The following ESR1 variants were observed in gnomAD, a reference collection of about 807,000 sequenced individuals.
ESR1 encodes estrogen receptor 1.
ESR1 carries 12 observed loss-of-function variants against 52.7 expected under a neutral mutation model. That is an observed-to-expected ratio of 0.23 (90% CI 0.15 to 0.37). ESR1 has a LOEUF of 0.37. ESR1 is among the 10% of genes least tolerant of loss of function. The pLI, the probability that ESR1 is intolerant of heterozygous loss-of-function variation, is 1.00. For synonymous variants in ESR1, 305 were observed against 316.8 expected (o/e 0.96, Z 0.39); for missense variants, 584 against 779.7 (o/e 0.75, Z 2.99).
intron 5 of ESR1, among the ~76,000 whole-genome samples, chr6:152,044,016 G>A (rs2046022315): frequency 6.6e-6 from 1 of 152,184 alleles, no homozygotes; most frequent in African/African-American, 2.4e-5. Context: ...TGGTTCTGGA[G>A]CTGGGAGATA....
intron 2 of ESR1, among the ~76,000 whole-genome samples, chr6:151,880,204 A>G (rs1228180719): frequency 3.9e-5 from 2 of 50,890 alleles, no homozygotes; most frequent in Non-Finnish European, 5.2e-5. Flanking sequence ...TTTTTTTGAG[A>G]TGGATTCTCA....
chr6:151,949,587 A>G (rs930540024), intron 4 of ESR1, among the ~76,000 whole-genome samples: 2 of 152,252 alleles, frequency 1.3e-5, no homozygotes, highest in South Asian at 4.1e-4. Flanking sequence ...CCACTGTATA[A>G]TAAGAGCCTT....
intron 2 of ESR1, among the ~76,000 whole-genome samples, chr6:151,716,314 A>G (rs1024841260): frequency 6.6e-6 from 1 of 152,120 alleles, no homozygotes; most frequent in East Asian, 1.9e-4. Flanking sequence ...GGAGTCTGGG[A>G]CCCACTTGAG....
rs1293791072 is a variant in ESR1 at position 152,101,413 on chromosome 6, C to G, written c.*2447C>G. On this transcript the variant is annotated 3_prime_UTR_variant, in exon 8 of 8. Coordinates refer to ENST00000206249, the MANE Select transcript of ESR1 (RefSeq NM_000125.4). ...ATTTCTAGGACTAGACGATGTAATACCAGCTAAAGCCAAACAATTATACAG... is the reference window on the plus strand; with the variant it reads ...ATTTCTAGGACTAGACGATGTAATAGCAGCTAAAGCCAAACAATTATACAG... 1 of 232,702 alleles carries G rather than the reference C, an allele frequency of 4.3e-6. No homozygotes were observed. Among genetic ancestry groups the G allele is most frequent in the African/African-American group, 2.2e-5 (1 of 45,244 alleles). The allele number at this position is 232,702 out of a possible 1,614,324, so 14.4% of individuals were successfully genotyped here.
chr6:152,044,508 A>G (rs1360165359), intron 5 of ESR1, among the ~76,000 whole-genome samples: 1 of 152,236 alleles, frequency 6.6e-6, no homozygotes, highest in Non-Finnish European at 1.5e-5. Flanking sequence ...AATAGTCTGC[A>G]AGCTGAGGAG....
intron 1 of ESR1, chr6:151,808,996 G>T: frequency 3.9e-6 from 1 of 258,196 alleles, no homozygotes. Flanking sequence ...TCTGATTTCG[G>T]AGTTAGCTGG....
chr6:152,008,752 T>C (rs1259142158), intron 4 of ESR1, among the ~76,000 whole-genome samples: 4 of 151,410 alleles, frequency 2.6e-5, no homozygotes, highest in African/African-American at 4.8e-5. Context: ...ATATTACATA[T>C]AGCAAATGTC....
upstream of ESR1, among the ~76,000 whole-genome samples, chr6:151,686,936 A>G (rs1011547306): frequency 6.6e-6 from 1 of 152,174 alleles, no homozygotes; most frequent in Admixed American, 6.5e-5. Context: ...ATGGGTCCAG[A>G]GCCCCCTATG....
At chr6:151,986,472 C>T (rs1428749860) in intron 4 of ESR1, among the ~76,000 whole-genome samples, 1 of 152,004 alleles carries the variant, frequency 6.6e-6, no homozygotes, top group Non-Finnish European at 1.5e-5. Flanking sequence ...CCCCAGGCCC[C>T]TTGGTATGGA....
At chr6:151,873,137 C>T (rs1791252893) in intron 2 of ESR1, among the ~76,000 whole-genome samples, 1 of 152,192 alleles carries the variant, frequency 6.6e-6, no homozygotes, top group Non-Finnish European at 1.5e-5. Flanking sequence ...GAATGAAGAG[C>T]TTGCCCTTTG....
At chr6:151,737,826 A>G (rs1423034624) in intron 2 of ESR1, among the ~76,000 whole-genome samples, 1 of 152,214 alleles carries the variant, frequency 6.6e-6, no homozygotes, top group Non-Finnish European at 1.5e-5. Context: ...TTCCATATTA[A>G]TAATCAAATA....
At chr6:152,025,205 C>CT (rs144645557) in intron 5 of ESR1, among the ~76,000 whole-genome samples, 215 of 127,456 alleles carry the variant, frequency 1.7e-3, no homozygotes, top group East Asian at 5.6e-3. Flanking sequence ...CTTCATCACG[C>CT]TTTTTTTTTT....
chr6:151,881,697 A>T (rs1052556464), intron 3 of ESR1, among the ~76,000 whole-genome samples: 4 of 152,124 alleles, frequency 2.6e-5, no homozygotes, highest in Admixed American at 2.6e-4. Flanking sequence ...AGCTTGGCCA[A>T]CAAGGTGAAA....
intron 3 of ESR1, among the ~76,000 whole-genome samples, chr6:151,921,655 A>G (rs1403847020): frequency 1.3e-5 from 2 of 152,112 alleles, no homozygotes; most frequent in African/African-American, 2.4e-5. Flanking sequence ...ATGGTATCTC[A>G]TTGTGGTTTT....
upstream of ESR1, among the ~76,000 whole-genome samples, chr6:151,806,761 A>G (rs981222033): frequency 8.6e-5 from 13 of 152,014 alleles, no homozygotes; most frequent in Non-Finnish European, 7.4e-5. Context: ...CCGACAATGT[A>G]ACATAATTGC....
At chr6:152,092,737 A>G (rs1045399994) in intron 6 of ESR1, among the ~76,000 whole-genome samples, 32 of 152,282 alleles carry the variant, frequency 2.1e-4, no homozygotes, top group African/African-American at 7.5e-4. Flanking sequence ...GTGTTAGAAA[A>G]TGCATCCTTG....
chr6:151,840,317 G>A (rs1402664900), intron 1 of ESR1, among the ~76,000 whole-genome samples: 1 of 152,136 alleles, frequency 6.6e-6, no homozygotes, highest in Non-Finnish European at 1.5e-5. Flanking sequence ...ATGGGGGTGG[G>A]TTCAACAGCA....
chr6:151,787,469 T>G (rs1447698002), intron 2 of ESR1, among the ~76,000 whole-genome samples: 4 of 152,224 alleles, frequency 2.6e-5, no homozygotes, highest in Non-Finnish European at 5.9e-5. Context: ...ATTCTTCCTA[T>G]TCATGAGCAT....
At chr6:151,843,833 C>T (rs975674246) in intron 2 of ESR1, among the ~76,000 whole-genome samples, 1 of 151,740 alleles carries the variant, frequency 6.6e-6, no homozygotes, top group Non-Finnish European at 1.5e-5. Context: ...TCTGTGATAG[C>T]TCTTTCCTGC....
Sources: gnomAD v4.1 joint callset for allele counts (sites outside exome capture counted in the v4.1 genomes callset) on GRCh38, gnomAD v4.1.1 for gene constraint, MANE v1.5 for transcripts, NCBI Gene and HGNC (gene_info 2026-07-23, HGNC 2026-07-21) for gene names.